RARB: variants seen among roughly 807,000 people sequenced by gnomAD.
RARB encodes retinoic acid receptor beta.
In RARB, 17 loss-of-function variants were observed where a neutral mutation model predicts 51.9. The observed-to-expected ratio is 0.33, with a 90% CI of 0.22 to 0.49. RARB has a LOEUF of 0.49. RARB is among the 20% of genes least tolerant of loss of function. RARB has a pLI of 0.99. For synonymous variants in RARB, 215 were observed against 195.4 expected (o/e 1.10, Z -0.84); for missense variants, 369 against 550.8 (o/e 0.67, Z 3.30).
At position 25,233,990 on chromosome 3, in the gene RARB, G is replaced by A. The variant is rs1054973303; in HGVS notation, c.178+59415G>A. On this transcript the variant is annotated intron_variant, in intron 5 of 11. Transcript: ENST00000383772. ...TTACTAATATTTTGTTGGAGATTTT[G>A]AAGGCTATTCATGACAAATAGTGGT... Among the ~76,000 whole-genome samples, 13 of 152,054 alleles carry A rather than the reference G, an allele frequency of 8.5e-5. No homozygotes were observed. In the East Asian group the frequency reaches 2.5e-3, roughly 29 times the overall value.
intron 1 of RARB, among the ~76,000 whole-genome samples, chr3:25,436,189 C>T (rs1708429897): frequency 2.6e-5 from 4 of 152,148 alleles, no homozygotes; most frequent in African/African-American, 9.7e-5. Flanking sequence ...TGTGAAAGTG[C>T]CTTGCCAAAT....
At chr3:25,012,744 C>T (rs1697425519) in intron 2 of RARB, among the ~76,000 whole-genome samples, 1 of 151,830 alleles carries the variant, frequency 6.6e-6, no homozygotes, top group Non-Finnish European at 1.5e-5. Flanking sequence ...GTAATCTATG[C>T]AAATAAAGTG....
chr3:25,582,729 C>T (rs1232806970), intron 5 of RARB, among the ~76,000 whole-genome samples: 1 of 152,110 alleles, frequency 6.6e-6, no homozygotes, highest in Non-Finnish European at 1.5e-5. Flanking sequence ...CAGCACTCTT[C>T]CAGCCCCATG....
At chr3:25,458,318 C>G (rs1392810913) in intron 1 of RARB, 1 of 152,044 alleles carries the variant, frequency 6.6e-6, no homozygotes, top group East Asian at 1.9e-4. Context: ...GTAGACAAAC[C>G]CAAAACATTT....
intron 3 of RARB, among the ~76,000 whole-genome samples, chr3:25,544,589 C>T (rs1003529162): frequency 2.6e-5 from 4 of 152,172 alleles, no homozygotes; most frequent in African/African-American, 9.7e-5. Flanking sequence ...CCTCCTCTTC[C>T]TTCTCCTGGT....
chr3:25,106,396 C>T (rs1265284550), intron 3 of RARB, among the ~76,000 whole-genome samples: 1 of 151,730 alleles, frequency 6.6e-6, no homozygotes, highest in East Asian at 1.9e-4. Flanking sequence ...CTGCCTCAGC[C>T]TCCCGAGTAG....
intron 5 of RARB, among the ~76,000 whole-genome samples, chr3:25,372,960 A>G (rs1706348075): frequency 6.6e-6 from 1 of 152,208 alleles, no homozygotes; most frequent in African/African-American, 2.4e-5. Context: ...AGGGAAAGAT[A>G]AGAGTCAAGG....
intron 5 of RARB, among the ~76,000 whole-genome samples, chr3:25,309,466 T>A (rs1016963713): frequency 1.4e-5 from 2 of 145,264 alleles, no homozygotes; most frequent in African/African-American, 5.1e-5. Flanking sequence ...GGAGTCTGAT[T>A]CCTTAACATC....
chr3:25,594,097 A>T (rs1701720475), intron 6 of RARB, among the ~76,000 whole-genome samples: 1 of 152,182 alleles, frequency 6.6e-6, no homozygotes, highest in African/African-American at 2.4e-5. Context: ...CCCTTGCAGG[A>T]CTGGGATAAA....
At position 25,153,956 on chromosome 3, in the gene RARB, AAT is replaced by A. The variant is rs777782032; in HGVS notation, c.-279-20160_-279-20159del. ...TTGACATTTACTGAGGCTTCTGAAG[AAT>A]ATGTTGTCTCTAAAGAGGTACATGA... On this transcript the variant is annotated intron_variant, in intron 4 of 11. Coordinates refer to the RARB transcript ENST00000383772. Among the ~76,000 whole-genome samples, 4 of 152,244 alleles carry A rather than the reference AAT, an allele frequency of 2.6e-5. No individual in the cohort carries two copies. The East Asian group carries it at 7.7e-4, about 29-fold the overall frequency.
chr3:25,451,947 T>C (rs965386142), intron 1 of RARB, among the ~76,000 whole-genome samples: 1 of 152,216 alleles, frequency 6.6e-6, no homozygotes, highest in Admixed American at 6.5e-5. Context: ...CGATAGAAGA[T>C]AGAAGTGAAA....
intron 5 of RARB, among the ~76,000 whole-genome samples, chr3:25,392,722 T>C (rs1397990995): frequency 1.3e-5 from 2 of 152,192 alleles, no homozygotes; most frequent in Non-Finnish European, 2.9e-5. Flanking sequence ...TGCTACTGAT[T>C]TGTGTACATT....
chr3:25,567,836 C>T (rs1700560790), intron 3 of RARB, among the ~76,000 whole-genome samples: 1 of 152,134 alleles, frequency 6.6e-6, no homozygotes, highest in South Asian at 2.1e-4. Context: ...GGTCTGATCA[C>T]CTGAGATCCT....
intron 2 of RARB, among the ~76,000 whole-genome samples, chr3:25,004,869 T>G (rs2125276774): frequency 6.6e-6 from 1 of 152,300 alleles, no homozygotes; most frequent in Middle Eastern, 3.4e-3. Context: ...TACTGCTGTG[T>G]ATCTTCAAAT....
chr3:25,161,203 ATT>A (rs769610107), intron 4 of RARB, among the ~76,000 whole-genome samples: 2 of 149,084 alleles, frequency 1.3e-5, no homozygotes, highest in African/African-American at 4.9e-5. Flanking sequence ...TATTATTATT[ATT>A]ATTATTATTA....
chr3:25,436,561 T>C (rs1487783168), intron 1 of RARB, among the ~76,000 whole-genome samples: 1 of 152,136 alleles, frequency 6.6e-6, no homozygotes, highest in African/African-American at 2.4e-5. Flanking sequence ...GGGGAAACAA[T>C]ACAAACTAGA....
chr3:25,424,844 T>A (rs1418890194), upstream of RARB, among the ~76,000 whole-genome samples: 1 of 152,212 alleles, frequency 6.6e-6, no homozygotes, highest in Non-Finnish European at 1.5e-5. Flanking sequence ...ATTCATGGTG[T>A]TTCTTTCTGG....
chr3:24,916,717 T>C (rs1467198872), intron 2 of RARB, among the ~76,000 whole-genome samples: 1 of 142,850 alleles, frequency 7.0e-6, no homozygotes, highest in African/African-American at 2.7e-5. Flanking sequence ...TAAAATTAAA[T>C]ATACATCTAT....
intron 3 of RARB, among the ~76,000 whole-genome samples, chr3:25,132,088 T>C (rs1455714399): frequency 2.0e-5 from 3 of 152,046 alleles, no homozygotes; most frequent in Middle Eastern, 3.4e-3. Flanking sequence ...TTACACCATA[T>C]TGTAAAAAAG....
Sources: allele counts gnomAD v4.1 joint callset (sites outside exome capture counted in the v4.1 genomes callset), GRCh38; gene constraint gnomAD v4.1.1; transcripts MANE v1.5; gene names NCBI Gene and HGNC (gene_info 2026-07-23, HGNC 2026-07-21).